The following IFNE variants were observed in gnomAD, a reference collection of about 807,000 sequenced individuals.
IFNE encodes IFN-epsilon.
For synonymous variants in IFNE, 94 were observed against 87.4 expected (o/e 1.08, Z -0.42); for missense variants, 276 against 232.4 (o/e 1.19, Z -1.22).
chr9:21,481,829 T>C lies in IFNE; in HGVS notation c.-135A>G. 1 of 775,404 alleles carries C rather than the reference T, an allele frequency of 1.3e-6. No individual in the cohort carries two copies. The highest frequency in any genetic ancestry group is 2.1e-6 in the Non-Finnish European group (1 of 483,976). 48.0% of individuals were successfully genotyped at this position (775,404 alleles called of 1,614,324 possible). On this transcript the variant is annotated 5_prime_UTR_variant, in exon 1 of 1. Transcript: ENST00000448696. ...TGTTGCTTTCGTTTTCTAATGTCAT[T>C]TCTCCAAGTTTACACATTAGATTTT... is the stretch of plus-strand genomic sequence containing the variant.
rs772901220 is a variant in IFNE, at chr9:21,481,199, C to T, written c.496G>A (p.Ala166Thr). 2.0e-5 allele frequency: 32 copies of T among 1,614,118 alleles called. No individual in the cohort carries two copies. The highest frequency in any genetic ancestry group is 2.6e-5 in the Non-Finnish European group (31 of 1,179,992). Residue 166 changes from alanine (A) to threonine (T), a missense_variant, in exon 1 of 1, where the codon GCC (alanine) becomes ACC (threonine). Transcript: ENST00000448696. Reference protein sequence around the residue: ...ENQDYSTCAWAIVQVEISRCL... With the variant: ...ENQDYSTCAWTIVQVEISRCL... ...CGGCTGATTTCTACTTGGACAATGGCCCAGGCACAGGTGCTGTAGTCCTGG... is the reference window on the plus strand; with the variant it reads ...CGGCTGATTTCTACTTGGACAATGGTCCAGGCACAGGTGCTGTAGTCCTGG...
In IFNE at chr9:21,481,052, C is replaced by G; in HGVS notation, c.*16G>C. ...TATGAAGAATCATGTCTGGAGAAGTCCTCTAGTCCCTCCACCTACCTCGGG... is the reference window on the plus strand; with the variant it reads ...TATGAAGAATCATGTCTGGAGAAGTGCTCTAGTCCCTCCACCTACCTCGGG... On this transcript the variant is annotated 3_prime_UTR_variant, in exon 1 of 1. Transcript: ENST00000448696. 6.3e-7 allele frequency: 1 copy of G among 1,579,428 alleles called. No homozygotes were observed. The highest frequency in any genetic ancestry group is 1.2e-5 in the South Asian group (1 of 83,724).
In IFNE at chr9:21,480,997, G is replaced by T; in HGVS notation, c.*71C>A. On this transcript the variant is annotated 3_prime_UTR_variant, in exon 1 of 1. Coordinates refer to ENST00000448696, the MANE Select transcript of IFNE (RefSeq NM_176891.5). ...TATATATACACAAAATCAAAGCAATGTGATTGTACTATAAATTGTATTACC... is the reference window on the plus strand; with the variant it reads ...TATATATACACAAAATCAAAGCAATTTGATTGTACTATAAATTGTATTACC... 1 of 1,184,952 alleles carries T rather than the reference G, an allele frequency of 8.4e-7. No individual in the cohort carries two copies. Among genetic ancestry groups the T allele is most frequent in the Non-Finnish European group, 1.2e-6 (1 of 837,106 alleles). 73.4% of individuals were successfully genotyped at this position (1,184,952 alleles called of 1,614,324 possible).
rs1023765909 is a variant in IFNE at position 21,481,842 on chromosome 9, C to A, written c.-148G>T. ...TTCTAATGTCATTTCTCCAAGTTTA[C>A]ACATTAGATTTTCAGGTTCCCTTTT... On this transcript the variant is annotated 5_prime_UTR_variant, in exon 1 of 1. Coordinates refer to ENST00000448696, the MANE Select transcript of IFNE (RefSeq NM_176891.5). 1.4e-6 allele frequency: 1 copy of A among 712,420 alleles called. No individual in the cohort carries two copies. Among genetic ancestry groups the A allele is most frequent in the Non-Finnish European group, 2.3e-6 (1 of 430,814 alleles). The allele number at this position is 712,420 out of a possible 1,614,324, so 44.1% of individuals were successfully genotyped here. A position where few individuals can be genotyped will look rare whatever the true frequency, so the allele number is the denominator to read the frequency against.
Position 21,481,609 on chromosome 9 carries a change from A to G in IFNE, c.86T>C (p.Phe29Ser). ...TTCTTGATTCACTTGTCTTTGCTGG[A>G]AGATAATCAGTTTCAAATCTAGAGA... ...IFSLDLKLII[F>S]QQRQVNQESL... is the part of the protein sequence containing the mutation. Residue 29 changes from phenylalanine (F) to serine (S), a missense_variant, in exon 1 of 1, where the codon TTC becomes TCC. Coordinates refer to ENST00000448696, the MANE Select transcript of IFNE (RefSeq NM_176891.5). The G allele has an allele frequency of 6.2e-7, 1 of 1,614,116 alleles. No homozygotes were observed. Among genetic ancestry groups the G allele is most frequent in the Non-Finnish European group, 8.5e-7 (1 of 1,179,960 alleles).
chr9:21,481,301 T>C lies in IFNE; in HGVS notation c.394A>G (p.Ser132Gly), dbSNP rs1391769752. Residue 132 changes from serine to glycine, a missense_variant, in exon 1 of 1, where the codon AGT becomes GGT. By Grantham distance (56) the Ser-to-Gly change is moderately conservative (BLOSUM62 0). Coordinates refer to ENST00000448696, the MANE Select transcript of IFNE (RefSeq NM_176891.5). ...AGGTTATCACTACCCAAAGTACCAC[T>C]TAGCTTCTCTGCTTCCAGTCCCATG... Reference protein sequence around the residue: ...ALMGLEAEKLSGTLGSDNLRL... With the variant: ...ALMGLEAEKLGGTLGSDNLRL... 4 of 1,614,048 alleles carry C rather than the reference T, an allele frequency of 2.5e-6. No individual in the cohort carries two copies. Among genetic ancestry groups the C allele is most frequent in the Non-Finnish European group, 3.4e-6 (4 of 1,180,012 alleles).
Position 21,481,618 on chromosome 9 carries a change from A to C in IFNE, c.77T>G (p.Leu26Arg). Residue 26 changes from leucine to arginine, a missense_variant, in exon 1 of 1, where the codon CTG becomes CGG. Coordinates refer to ENST00000448696, the MANE Select transcript of IFNE (RefSeq NM_176891.5). ...CACTTGTCTTTGCTGGAAGATAATC[A>C]GTTTCAAATCTAGAGAGAAGATAGT... Reference protein sequence around the residue: ...STTIFSLDLKLIIFQQRQVNQ... With the variant: ...STTIFSLDLKRIIFQQRQVNQ... 5.0e-6 allele frequency: 8 copies of C among 1,614,036 alleles called. No individual in the cohort carries two copies. Among genetic ancestry groups the C allele is most frequent in the Non-Finnish European group, 6.8e-6 (8 of 1,179,880 alleles).
chr9:21,481,717 T>C lies in IFNE; in HGVS notation c.-23A>G, dbSNP rs1346446312. The C allele has an allele frequency of 6.3e-7, 1 of 1,585,494 alleles. No individual in the cohort carries two copies. The highest frequency in any genetic ancestry group is 1.3e-5 in the African/African-American group (1 of 74,146). ...CATGGTGAAGGTCAAATATGCTACT[T>C]ATCCCTGCATAGACTTAGGGAAATT... On this transcript the variant is annotated 5_prime_UTR_variant, in exon 1 of 1. In the 5' UTR this introduces an upstream ATG that the reference lacks. Transcript: ENST00000448696.
Position 21,481,669 on chromosome 9 carries a change from G to T in IFNE, c.26C>A (p.Thr9Asn), listed in dbSNP as rs775735248. The change falls in exon 1 of 1, where the codon ACT becomes AAT. Residue 9 changes from threonine (T) to asparagine (N), a missense_variant. Physicochemically the swap from Thr to Asn is moderately conservative, Grantham distance 65. Coordinates refer to ENST00000448696, the MANE Select transcript of IFNE (RefSeq NM_176891.5). Reference protein sequence around the residue: MIIKHFFGTVLVLLASTTI... With the variant: MIIKHFFGNVLVLLASTTI... ...GGTAGAGGCCAGCAGCACCAACACA[G>T]TTCCAAAGAAGTGCTTGATAATCAT... 3.7e-6 allele frequency: 6 copies of T among 1,612,916 alleles called. No individual in the cohort carries two copies. Among genetic ancestry groups the T allele is most frequent in the Non-Finnish European group, 5.1e-6 (6 of 1,179,382 alleles).
In IFNE at chr9:21,480,961, A is replaced by G. The variant is rs1267952421; in HGVS notation, c.*107T>C. 2 of 886,928 alleles carry G rather than the reference A, an allele frequency of 2.3e-6. No homozygotes were observed. The highest frequency in any genetic ancestry group is 3.4e-5 in the African/African-American group (2 of 59,476). The allele number at this position is 886,928 out of a possible 1,614,324, so 54.9% of individuals were successfully genotyped here. A position where few individuals can be genotyped will look rare whatever the true frequency, so the allele number is the denominator to read the frequency against. On this transcript the variant is annotated 3_prime_UTR_variant, in exon 1 of 1. Coordinates refer to ENST00000448696, the MANE Select transcript of IFNE (RefSeq NM_176891.5). Reference sequence around the variant, plus strand: ...TGGTCAATATGCACAATCTTAAAACACAGATAAATATATATATACACAAAA... The same window carrying G: ...TGGTCAATATGCACAATCTTAAAACGCAGATAAATATATATATACACAAAA...
At position 21,481,625 on chromosome 9, in the gene IFNE, A is replaced by G; in HGVS notation, c.70T>C (p.Leu24=). ...CTTTGCTGGAAGATAATCAGTTTCA[A>G]ATCTAGAGAGAAGATAGTGGTAGAG... is the stretch of plus-strand genomic sequence containing the variant. ...LASTTIFSLD[L]KLIIFQQRQV... Residue 24 remains leucine (L), a synonymous_variant, in exon 1 of 1, where the codon TTG becomes CTG. Coordinates refer to ENST00000448696, the MANE Select transcript of IFNE (RefSeq NM_176891.5). 6.2e-7 allele frequency: 1 copy of G among 1,614,066 alleles called. No homozygotes were observed. The highest frequency in any genetic ancestry group is 8.5e-7 in the Non-Finnish European group (1 of 1,179,928).
Position 21,481,174 on chromosome 9 carries a change from C to T in IFNE, c.521G>A (p.Arg174Gln), listed in dbSNP as rs369605432. Residue 174 changes from arginine (R) to glutamine (Q), a missense_variant, in exon 1 of 1, where the codon CGA becomes CAA. Coordinates refer to ENST00000448696, the MANE Select transcript of IFNE (RefSeq NM_176891.5). ...GAGACTGAACACAAAGAACAGACAT[C>T]GGCTGATTTCTACTTGGACAATGGC... The part of the protein sequence containing the change: ...AWAIVQVEIS[R>Q]CLFFVFSLTE... 18 of 1,614,098 alleles carry T rather than the reference C, an allele frequency of 1.1e-5. No individual in the cohort carries two copies. The highest frequency in any genetic ancestry group is 9.3e-5 in the African/African-American group (7 of 75,018).
At position 21,481,171 on chromosome 9, in the gene IFNE, C is replaced by G; in HGVS notation, c.524G>C (p.Cys175Ser). Reference protein sequence around the residue: ...WAIVQVEISRCLFFVFSLTEK... With the variant: ...WAIVQVEISRSLFFVFSLTEK... ...TGTGAGACTGAACACAAAGAACAGA[C>G]ATCGGCTGATTTCTACTTGGACAAT... Residue 175 changes from cysteine to serine, a missense_variant, in exon 1 of 1, where the codon TGT becomes TCT. Transcript: ENST00000448696. The G allele has an allele frequency of 2.5e-6, 4 of 1,614,154 alleles. No individual in the cohort carries two copies. The highest frequency in any genetic ancestry group is 3.4e-6 in the Non-Finnish European group (4 of 1,179,986).
Position 21,481,496 on chromosome 9 carries a change from A to G in IFNE, c.199T>C (p.Leu67=), listed in dbSNP as rs745571441. The G allele has an allele frequency of 1.4e-5, 22 of 1,614,106 alleles. No individual in the cohort carries two copies. In the East Asian group the frequency reaches 4.5e-4, roughly 33 times the overall value. Residue 67 remains leucine (L), a synonymous_variant, in exon 1 of 1, where the codon TTG becomes CTG. Transcript: ENST00000448696. ...RKNFLLPQKS[L]SPQQYQKGHT... is the part of the protein sequence containing the mutation. ...CCTTTTTGGTACTGCTGAGGACTCA[A>G]AGACTTCTGAGGAAGCAGAAAGTTT...
Position 21,481,024 on chromosome 9 carries a change from C to A in IFNE, c.*44G>T, listed in dbSNP as rs769864946. On this transcript the variant is annotated 3_prime_UTR_variant, in exon 1 of 1. Transcript: ENST00000448696. ...GATTGTACTATAAATTGTATTACCACTCTATGAAGAATCATGTCTGGAGAA... is the reference window on the plus strand; with the variant it reads ...GATTGTACTATAAATTGTATTACCAATCTATGAAGAATCATGTCTGGAGAA... 6.8e-6 allele frequency: 10 copies of A among 1,466,100 alleles called. No individual in the cohort carries two copies. Among genetic ancestry groups the A allele is most frequent in the Non-Finnish European group, 9.2e-6 (10 of 1,082,692 alleles). The allele number at this position is 1,466,100 out of a possible 1,614,324, so 90.8% of individuals were successfully genotyped here. A position where few individuals can be genotyped will look rare whatever the true frequency, so the allele number is the denominator to read the frequency against.
rs1819029009 is a variant in IFNE at position 21,481,140 on chromosome 9, T to C, written c.555A>G (p.Lys185=). Residue 185 remains lysine, a synonymous_variant, in exon 1 of 1, where the codon AAA becomes AAG. Coordinates refer to ENST00000448696, the MANE Select transcript of IFNE (RefSeq NM_176891.5). ...CLFFVFSLTE[K]LSKQGRPLND... is the part of the protein sequence containing the mutation. ...TCAAGGGTCTTCCTTGTTTGCTCAGTTTTTCTGTGAGACTGAACACAAAGA... is the reference window on the plus strand; with the variant it reads ...TCAAGGGTCTTCCTTGTTTGCTCAGCTTTTCTGTGAGACTGAACACAAAGA... 6.2e-7 allele frequency: 1 copy of C among 1,613,962 alleles called. No homozygotes were observed.
Position 21,481,083 on chromosome 9 carries a change from A to T in IFNE, c.612T>A (p.Phe204Leu), listed in dbSNP as rs1819026933. ...NDMKQELTTE[F>L]RSPR ...GTCCCTCCACCTACCTCGGGCTTCT[A>T]AACTCTGTAGTAAGCTCTTGCTTCA... Residue 204 changes from phenylalanine to leucine, a missense_variant, in exon 1 of 1, where the codon TTT becomes TTA. Coordinates refer to ENST00000448696, the MANE Select transcript of IFNE (RefSeq NM_176891.5). The T allele has an allele frequency of 1.2e-6, 2 of 1,608,138 alleles. No homozygotes were observed. The highest frequency in any genetic ancestry group is 1.7e-6 in the Non-Finnish European group (2 of 1,177,498).
rs765765903 is a variant in IFNE, at chr9:21,481,069, T to C, written c.626A>G (p.Ter209TrpextTer14). The stretch of plus-strand genomic sequence containing the variant: ...GGAGAAGTCCTCTAGTCCCTCCACC[T>C]ACCTCGGGCTTCTAAACTCTGTAGT... ...ELTTEFRSPR[*>W] The change falls in exon 1 of 1, where the codon TAG (stop) becomes TGG (tryptophan). Residue 209 changes from the stop codon to tryptophan, a stop_lost. Transcript: ENST00000448696. The C allele has an allele frequency of 4.6e-5, 74 of 1,597,488 alleles. No individual in the cohort carries two copies. Among genetic ancestry groups the C allele is most frequent in the Non-Finnish European group, 6.3e-5 (74 of 1,173,036 alleles).
rs776296114 is a variant in IFNE at position 21,481,309 on chromosome 9, T to A, written c.386A>T (p.Glu129Val). Residue 129 changes from glutamate to valine, a missense_variant, in exon 1 of 1, where the codon GAG becomes GTG. Physicochemically the swap from Glu to Val is moderately radical, Grantham distance 121. Transcript: ENST00000448696. The part of the protein sequence containing the change: ...YLEALMGLEA[E>V]KLSGTLGSDN... ...ACTACCCAAAGTACCACTTAGCTTCTCTGCTTCCAGTCCCATGAGTGCTTC... is the reference window on the plus strand; with the variant it reads ...ACTACCCAAAGTACCACTTAGCTTCACTGCTTCCAGTCCCATGAGTGCTTC... 1 of 1,614,196 alleles carries A rather than the reference T, an allele frequency of 6.2e-7. No individual in the cohort carries two copies. Among genetic ancestry groups the A allele is most frequent in the South Asian group, 1.1e-5 (1 of 91,074 alleles).
Sources: gnomAD v4.1 joint callset for allele counts on GRCh38, gnomAD v4.1.1 for gene constraint, MANE v1.5 for transcripts, NCBI Gene and HGNC (gene_info 2026-07-23, HGNC 2026-07-21) for gene names.